TLN2: variants seen among roughly 807,000 people sequenced by gnomAD.
TLN2 encodes the protein talin-2.
TLN2 carries 118 observed loss-of-function variants against 294.7 expected under a neutral mutation model. That is an observed-to-expected ratio of 0.40 (90% confidence interval 0.34 to 0.47). The LOEUF is 0.47. Among genes scored for constraint, TLN2 ranks in the 20% least tolerant of loss-of-function variants. The pLI is 0.84. For synonymous variants in TLN2, 1,431 were observed against 1,304.5 expected (o/e 1.10, Z -2.09); for missense variants, 3,083 against 3,282.2 (o/e 0.94, Z 1.48).
At chr15:62,466,039 CA>C (rs2037117014) in intron 1 of TLN2, among the ~76,000 whole-genome samples, 1 of 152,094 alleles carries the variant, frequency 6.6e-6, no homozygotes, top group Non-Finnish European at 1.5e-5. Flanking sequence ...CTCCCTTTTC[CA>C]GAGGAAATAT....
chr15:62,396,685 C>T (rs2032578090), intron 1 of TLN2, among the ~76,000 whole-genome samples: 1 of 151,936 alleles, frequency 6.6e-6, no homozygotes, highest in African/African-American at 2.4e-5. Flanking sequence ...ACCAACAGTG[C>T]AGGGAGAGCT....
At chr15:62,404,329 GTC>G (rs2033242670) in intron 1 of TLN2, among the ~76,000 whole-genome samples, 1 of 152,164 alleles carries the variant, frequency 6.6e-6, no homozygotes. Context: ...GGCAACTTTT[GTC>G]TCTGGGTTGA....
rs190903155 is a variant in TLN2 at position 62,579,302 on chromosome 15, G to A, written c.-237-10385G>A. Among the ~76,000 whole-genome samples the A allele has an allele frequency of 3.2e-3, 493 of 152,298 alleles. 2 individuals are homozygous for A. The highest frequency in any genetic ancestry group is 0.011 in the African/African-American group (476 of 41,560). On this transcript the variant is annotated intron_variant, in intron 1 of 58. Coordinates refer to ENST00000636159, the MANE Select transcript of TLN2 (RefSeq NM_015059.3). ...ACCAGCCTTCACATGGTAAGAGAGA[G>A]CAGCATAGAAAAATCACTTGGGAAA...
intron 2 of TLN2, among the ~76,000 whole-genome samples, chr15:62,615,440 A>G (rs1026379445): frequency 1.3e-5 from 2 of 152,202 alleles, no homozygotes; most frequent in Non-Finnish European, 2.9e-5. Context: ...CAGCCCACCC[A>G]CTCAGGAGTG....
At chr15:62,797,070 T>G in intron 47 of TLN2, 149 bp from the exon 48 acceptor site, 1 of 780,028 alleles carries the variant, frequency 1.3e-6, no homozygotes, top group South Asian at 1.9e-5. Context: ...AAGATGAGAG[T>G]CCGTTGGTAA....
At position 62,840,890 on chromosome 15, in the gene TLN2, A is replaced by G; in HGVS notation, c.*280A>G. 2.9e-6 allele frequency: 1 copy of G among 350,528 alleles called. No individual in the cohort carries two copies. The highest frequency in any genetic ancestry group is 5.1e-6 in the Non-Finnish European group (1 of 194,800). 21.7% of individuals were successfully genotyped at this position (350,528 alleles called of 1,614,324 possible). On this transcript the variant is annotated 3_prime_UTR_variant, in exon 59 of 59. Transcript: ENST00000636159. ...GTGCACGTTTCATGGACTGTTACCA[A>G]CAAAGAAAAGTCAGTATTATGTTGT...
chr15:62,560,403 T>C (rs1387541818), intron 1 of TLN2, among the ~76,000 whole-genome samples: 1 of 151,988 alleles, frequency 6.6e-6, no homozygotes, highest in African/African-American at 2.4e-5. Flanking sequence ...AGTCTTGGGG[T>C]ATGGAAGTCA....
chr15:62,836,199 C>G, intron 57 of TLN2, 126 bp downstream of exon 57: 1 of 1,321,744 alleles, frequency 7.6e-7, no homozygotes. Context: ...TGTCCACGTT[C>G]CAGCCTCATC....
At chr15:62,831,387 G>T (rs1252534155) in intron 54 of TLN2, 1 of 151,962 alleles carries the variant, frequency 6.6e-6, no homozygotes. Context: ...TTTCCCTGGT[G>T]CTTTAATCTG....
At chr15:62,802,411 TACACACAC>T (rs60573464) in intron 50 of TLN2, among the ~76,000 whole-genome samples, 9 of 149,726 alleles carry the variant, frequency 6.0e-5, no homozygotes, top group South Asian at 2.1e-4. Context: ...TATACAATGG[TACACACAC>T]ACACACACAC....
chr15:62,421,810 C>T (rs929172793), intron 1 of TLN2, among the ~76,000 whole-genome samples: 2 of 151,810 alleles, frequency 1.3e-5, no homozygotes, highest in Non-Finnish European at 2.9e-5. Context: ...TAACCCTGAA[C>T]TTAAAAGTTA....
In TLN2 at chr15:62,796,936, A is replaced by G. The variant is rs144308861; in HGVS notation, c.6051-283A>G. On this transcript the variant is annotated intron_variant, in intron 47 of 58. Transcript: ENST00000636159. ...AAAGAAGCTGACCTTTCATTGAACT[A>G]TAGGGCTTGGGAAGGGAGCCAGGTT... 2.2e-4 allele frequency among the ~76,000 whole-genome samples: 34 copies of G among 152,258 alleles called. No homozygotes were observed. The East Asian group carries it at 6.4e-3, about 29-fold the overall frequency.
At chr15:62,651,282 A>T (rs1440839137) in intron 5 of TLN2, among the ~76,000 whole-genome samples, 1 of 152,176 alleles carries the variant, frequency 6.6e-6, no homozygotes, top group Non-Finnish European at 1.5e-5. Context: ...GTAAGGCATA[A>T]GTATGACTTC....
Position 62,820,570 on chromosome 15 carries a change from C to G in TLN2, c.6962C>G (p.Ala2321Gly). Reference protein sequence around the residue: ...LGAAASIEAAAKKLEQLKPRA... With the variant: ...LGAAASIEAAGKKLEQLKPRA... Reference sequence around the variant, plus strand: ...GCTGCAGCATCCATCGAAGCTGCTGCTAAGAAGTTAGAGCAACTGAAGCCA... The same window carrying G: ...GCTGCAGCATCCATCGAAGCTGCTGGTAAGAAGTTAGAGCAACTGAAGCCA... Residue 2321 changes from alanine (A) to glycine (G), a missense_variant, in exon 54 of 59, where the codon GCT (alanine) becomes GGT (glycine). By Grantham distance (60) the Ala-to-Gly change is moderately conservative. Transcript: ENST00000636159. 1.2e-6 allele frequency: 2 copies of G among 1,613,914 alleles called. No individual in the cohort carries two copies. Among genetic ancestry groups the G allele is most frequent in the Non-Finnish European group, 1.7e-6 (2 of 1,179,914 alleles).
intron 1 of TLN2, among the ~76,000 whole-genome samples, chr15:62,560,997 C>G (rs1027882413): frequency 5.3e-5 from 8 of 152,182 alleles, no homozygotes; most frequent in Non-Finnish European, 8.8e-5. Flanking sequence ...TACAGAATGT[C>G]GCTGCTTCCC....
At position 62,740,210 on chromosome 15, in the gene TLN2, C is replaced by G. The variant is rs113416787; in HGVS notation, c.3886-420C>G. 5.3e-3 allele frequency among the ~76,000 whole-genome samples: 808 copies of G among 152,190 alleles called. 5 individuals carry two copies. Among genetic ancestry groups the G allele is most frequent in the African/African-American group, 0.019 (776 of 41,518 alleles). Reference sequence around the variant, plus strand: ...CAGGGATGCAGTCAGCTCTGAATATCGAGACAGTGCTGGTCGTTTGTGCCA... The same window carrying G: ...CAGGGATGCAGTCAGCTCTGAATATGGAGACAGTGCTGGTCGTTTGTGCCA... On this transcript the variant is annotated intron_variant, in intron 31 of 58. Coordinates refer to ENST00000636159, the MANE Select transcript of TLN2 (RefSeq NM_015059.3).
intron 4 of TLN2, among the ~76,000 whole-genome samples, chr15:62,648,214 A>G (rs933187956): frequency 6.6e-6 from 1 of 152,060 alleles, no homozygotes; most frequent in Non-Finnish European, 1.5e-5. Flanking sequence ...TGAACCCAGG[A>G]GTTAGAGACC....
rs982017454 is a variant in TLN2 at position 62,486,468 on chromosome 15, T to G, written c.-238+95783T>G. Among the ~76,000 whole-genome samples the G allele has an allele frequency of 2.4e-4, 37 of 151,394 alleles. No individual in the cohort carries two copies. The South Asian group carries it at 5.2e-3, about 21-fold the overall frequency. On this transcript the variant is annotated intron_variant, in intron 1 of 58. Coordinates refer to ENST00000636159, the MANE Select transcript of TLN2 (RefSeq NM_015059.3). The stretch of plus-strand genomic sequence containing the variant: ...AGTTCCTTTGTTTTTTTTTTTTTTT[T>G]TTTTTTTGCCATTCACAACATTGAC...
intron 43 of TLN2, among the ~76,000 whole-genome samples, chr15:62,777,405 G>A (rs376681330): frequency 1.3e-4 from 20 of 152,096 alleles, no homozygotes; most frequent in East Asian, 9.7e-4. Flanking sequence ...GCATGGTTGC[G>A]CATGCCCATA....
Sources: gnomAD v4.1 joint callset for allele counts (sites outside exome capture counted in the v4.1 genomes callset) on GRCh38, gnomAD v4.1.1 for gene constraint, MANE v1.5 for transcripts, NCBI Gene and HGNC (gene_info 2026-07-23, HGNC 2026-07-21) for gene names.